Variants in MYO5B observed in about 807,000 individuals in gnomAD.
The protein encoded by MYO5B is unconventional myosin-Vb.
A neutral mutation model predicts 229.3 loss-of-function variants in MYO5B; 143 were observed. The observed-to-expected ratio is 0.62, with a 90% CI of 0.54 to 0.72. The LOEUF is 0.72. MYO5B is among the 30% of genes least tolerant of loss of function. MYO5B has a pLI of 0.00. For missense variants in MYO5B, 2,321 were observed against 2,331.0 expected, an observed-to-expected ratio of 1.00 and a Z score of 0.09; for synonymous variants, 918 against 885.2, an observed-to-expected ratio of 1.04 and a Z score of -0.66.
At chr18:49,845,840 C>T (rs1020003807) in intron 33 of MYO5B, among the ~76,000 whole-genome samples, 4 of 152,136 alleles carry the variant, frequency 2.6e-5, no homozygotes, top group South Asian at 4.2e-4. Flanking sequence ...GGAGCTGGTA[C>T]GACTGGCAAA....
At chr18:50,070,424 G>A (rs1221267198) in intron 1 of MYO5B, among the ~76,000 whole-genome samples, 1 of 151,936 alleles carries the variant, frequency 6.6e-6, no homozygotes, top group African/African-American at 2.4e-5. Flanking sequence ...TGGGGTGGGG[G>A]ACAAAACTGT....
intron 8 of MYO5B, among the ~76,000 whole-genome samples, chr18:49,981,039 G>T (rs1323038592): frequency 6.6e-6 from 1 of 152,256 alleles, no homozygotes; most frequent in East Asian, 1.9e-4. Context: ...CTGTTCTGGG[G>T]CTGGATGGCC....
At chr18:50,116,553 T>A (rs2031966158) in intron 1 of MYO5B, among the ~76,000 whole-genome samples, 1 of 151,898 alleles carries the variant, frequency 6.6e-6, no homozygotes, top group Non-Finnish European at 1.5e-5. Context: ...ACCTGCTGCA[T>A]CTCTTGAGTT....
chr18:49,872,559 AG>A lies in MYO5B; in HGVS notation c.3538-328del, dbSNP rs771007174. ...ATGATATTCTGAAGTCCTCACCCCT[AG>A]AAACTGTGAATGTGACCTTATTTGC... is the stretch of plus-strand genomic sequence containing the variant. On this transcript the variant is annotated intron_variant, in intron 26 of 39. Coordinates refer to ENST00000285039, the MANE Select transcript of MYO5B (RefSeq NM_001080467.3). Among the ~76,000 whole-genome samples, 3 of 152,286 alleles carry A rather than the reference AG, an allele frequency of 2.0e-5. No individual in the cohort carries two copies. In the South Asian group the frequency reaches 6.2e-4, roughly 32 times the overall value.
chr18:50,034,333 T>C (rs1383445833), intron 4 of MYO5B, among the ~76,000 whole-genome samples: 2 of 152,236 alleles, frequency 1.3e-5, no homozygotes, highest in East Asian at 1.9e-4. Context: ...AAACTTGTCC[T>C]GCATCTAACC....
intron 36 of MYO5B, 118 bp from the exon 37 acceptor site, chr18:49,837,920 T>C (rs2024010201): frequency 2.3e-6 from 3 of 1,330,272 alleles, no homozygotes; most frequent in South Asian, 1.2e-5. Flanking sequence ...AGGTGTGCAA[T>C]GTTGACATGC....
At chr18:50,043,332 T>A (rs1340403999) in intron 2 of MYO5B, among the ~76,000 whole-genome samples, 5 of 84,780 alleles carry the variant, frequency 5.9e-5, no homozygotes, top group African/African-American at 1.4e-4. Context: ...ATATATATTT[T>A]ATATATTTAT....
rs1234294316 is a variant in MYO5B, at chr18:49,855,284, T to C, written c.4022+1529A>G. Among the ~76,000 whole-genome samples the C allele has an allele frequency of 2.0e-5, 3 of 152,332 alleles. No individual in the cohort carries two copies. The East Asian group carries it at 5.8e-4, about 29-fold the overall frequency. On this transcript the variant is annotated intron_variant, in intron 30 of 39. Coordinates refer to ENST00000285039, the MANE Select transcript of MYO5B (RefSeq NM_001080467.3). ...TGACTCAGCCAGGGTCTGTTCCTAC[T>C]TAAACATTAGGCTAGCCACCTCATC...
rs2025250511 is a variant in MYO5B at position 49,936,381 on chromosome 18, T to C, written c.1906-32A>G. Reference sequence around the variant, plus strand: ...AGACAAAAGCCAGTGCTTGGTTAGTTTTAACAAGTCGTGGATGTGTGATAA... The same window carrying C: ...AGACAAAAGCCAGTGCTTGGTTAGTCTTAACAAGTCGTGGATGTGTGATAA... On this transcript the variant is annotated intron_variant, in intron 15 of 39. Coordinates refer to ENST00000285039, the MANE Select transcript of MYO5B (RefSeq NM_001080467.3). The C allele has an allele frequency of 2.7e-6, 4 of 1,496,336 alleles. No individual in the cohort carries two copies. The African/African-American group carries it at 5.5e-5, about 21-fold the overall frequency. 92.7% of individuals were successfully genotyped at this position (1,496,336 alleles called of 1,614,324 possible). A position where few individuals can be genotyped will look rare whatever the true frequency, so the allele number is the denominator to read the frequency against.
intron 22 of MYO5B, among the ~76,000 whole-genome samples, chr18:49,885,073 A>G (rs1160793521): frequency 6.6e-6 from 1 of 152,184 alleles, no homozygotes; most frequent in Non-Finnish European, 1.5e-5. Context: ...ACACTCTGGC[A>G]ATTCCTCAAA....
chr18:49,957,141 G>GAAAAAAAAAAAAAAAA (rs2025501586), intron 12 of MYO5B, among the ~76,000 whole-genome samples: 1 of 11,800 alleles, frequency 8.5e-5, no homozygotes, highest in Non-Finnish European at 1.7e-4. Flanking sequence ...AAATAAAGTA[G>GAAAAAAAAAAAAAAAA]CAAAAAAAAA....
intron 1 of MYO5B, among the ~76,000 whole-genome samples, chr18:50,166,910 T>C (rs1429812611): frequency 2.6e-5 from 4 of 152,218 alleles, no homozygotes; most frequent in African/African-American, 7.2e-5. Context: ...ATCTTGGATA[T>C]CAATTTTTAC....
At chr18:49,890,290 AC>A (rs1435526820) in intron 22 of MYO5B, among the ~76,000 whole-genome samples, 2 of 152,182 alleles carry the variant, frequency 1.3e-5, no homozygotes, top group Non-Finnish European at 2.9e-5. Context: ...ACAACATAAA[AC>A]AGGTGGCTGC....
intron 9 of MYO5B, among the ~76,000 whole-genome samples, chr18:49,978,538 G>T (rs1049727570): frequency 6.6e-6 from 1 of 151,990 alleles, no homozygotes; most frequent in Admixed American, 6.6e-5. Context: ...CACCCCTGAG[G>T]CCTGGAGAGC....
At position 49,824,123 on chromosome 18, in the gene MYO5B, C is replaced by T. The variant is rs1244999816; in HGVS notation, c.*2348G>A. 1 of 152,496 alleles carries T rather than the reference C, an allele frequency of 6.6e-6. No homozygotes were observed. Among genetic ancestry groups the T allele is most frequent in the Non-Finnish European group, 1.5e-5 (1 of 68,030 alleles). 9.4% of individuals were successfully genotyped at this position (152,496 alleles called of 1,614,324 possible). A position where few individuals can be genotyped will look rare whatever the true frequency, so the allele number is the denominator to read the frequency against. ...TAAAGAGTCATTACTGATTTCATGA[C>T]ACTGATAAATGTTTGAATTGAAATG... On this transcript the variant is annotated 3_prime_UTR_variant, in exon 40 of 40. Transcript: ENST00000285039.
At chr18:49,854,697 C>A (rs908740198) in intron 30 of MYO5B, among the ~76,000 whole-genome samples, 1 of 152,160 alleles carries the variant, frequency 6.6e-6, no homozygotes, top group Non-Finnish European at 1.5e-5. Flanking sequence ...CAGGTAGGAA[C>A]TGGTTGTGCC....
chr18:50,141,037 G>C (rs2032409605), intron 1 of MYO5B, among the ~76,000 whole-genome samples: 1 of 152,214 alleles, frequency 6.6e-6, no homozygotes, highest in South Asian at 2.1e-4. Context: ...TCATTATGCA[G>C]GTGTGGTTTA....
intron 10 of MYO5B, among the ~76,000 whole-genome samples, chr18:49,968,918 C>T (rs1026783870): frequency 6.6e-6 from 1 of 152,170 alleles, no homozygotes; most frequent in Admixed American, 6.5e-5. Context: ...TTCATCTGAG[C>T]CTTGGAAGCA....
chr18:50,164,911 T>A (rs2032821675), intron 1 of MYO5B, among the ~76,000 whole-genome samples: 1 of 152,134 alleles, frequency 6.6e-6, no homozygotes, highest in Non-Finnish European at 1.5e-5. Context: ...AGACTGGGAG[T>A]GTATTCAGTG....
Sources: gnomAD v4.1 joint callset for allele counts (sites outside exome capture counted in the v4.1 genomes callset) on GRCh38, gnomAD v4.1.1 for gene constraint, MANE v1.5 for transcripts, NCBI Gene and HGNC (gene_info 2026-07-23, HGNC 2026-07-21) for gene names.